The following DNHD1 variants were observed in gnomAD, a reference collection of about 807,000 sequenced individuals.
The protein encoded by DNHD1 is dynein heavy chain domain 1, also known as dynein heavy chain domain-containing protein 1.
In DNHD1, 383 loss-of-function variants were observed where a neutral mutation model predicts 458.1. The ratio of observed to expected loss-of-function variants is 0.84; its 90% CI spans 0.77 to 0.91. The LOEUF is 0.91. DNHD1 is among the 40% of genes least tolerant of loss of function. The pLI, the probability that DNHD1 is intolerant of heterozygous loss-of-function variation, is 0.00. For synonymous variants in DNHD1, 2,203 were observed against 2,376.9 expected (o/e 0.93, Z 2.13); for missense variants, 5,336 against 5,866.1 (o/e 0.91, Z 2.95).
intron 28 of DNHD1, among the ~76,000 whole-genome samples, chr11:6,559,708 T>C (rs1218696363): frequency 6.6e-6 from 1 of 152,218 alleles, no homozygotes; most frequent in Non-Finnish European, 1.5e-5. Context: ...AAAACTGTTG[T>C]ATACAGTGAG....
rs1369497130 is a variant in DNHD1, at chr11:6,556,750, C to T, written c.7455C>T (p.Ala2485=). ...LRQAMDGTVY[A]HSTLELQTLQ... ...AGGCCATGGATGGCACTGTGTATGC[C>T]CACAGCACCTTGGAACTGCAGACGC... The change falls in exon 25 of 43, where the codon GCC becomes GCT. Residue 2485 remains alanine (A), a synonymous_variant. Coordinates refer to ENST00000254579, the MANE Select transcript of DNHD1 (RefSeq NM_144666.3). The T allele has an allele frequency of 5.8e-6, 9 of 1,551,562 alleles. No homozygotes were observed. In the Admixed American group the frequency reaches 9.8e-5, roughly 17 times the overall value.
intron 7 of DNHD1, 55 bp downstream of exon 7, chr11:6,511,484 T>A: frequency 6.3e-7 from 1 of 1,590,996 alleles, no homozygotes; most frequent in African/African-American, 1.3e-5. Context: ...CTCCCCAGAG[T>A]TTCAGCCTCC....
Position 6,545,235 on chromosome 11 carries a change from G to A in DNHD1, c.4296G>A (p.Val1432=). ...LAVLGAGGEE[V]KLQGPLPLHP... Reference sequence around the variant, plus strand: ...TGCTAGGGGCAGGTGGGGAGGAGGTGAAGCTGCAGGGTCCCCTTCCTCTGC... The same window carrying A: ...TGCTAGGGGCAGGTGGGGAGGAGGTAAAGCTGCAGGGTCCCCTTCCTCTGC... The change falls in exon 21 of 43, where the codon GTG becomes GTA. Residue 1432 remains valine, a synonymous_variant. Transcript: ENST00000254579. This position sits in a 1 kb window ranked among gnomAD's most constrained non-coding sequence, Gnocchi z 4.9. 1 of 1,551,810 alleles carries A rather than the reference G, an allele frequency of 6.4e-7. No individual in the cohort carries two copies. Among genetic ancestry groups the A allele is most frequent in the Non-Finnish European group, 8.7e-7 (1 of 1,147,016 alleles).
At chr11:6,507,370 C>A (rs1053462511) in intron 4 of DNHD1, among the ~76,000 whole-genome samples, 1 of 152,098 alleles carries the variant, frequency 6.6e-6, no homozygotes, top group African/African-American at 2.4e-5. Context: ...ACATTAAATG[C>A]AATACATATG....
Position 6,570,328 on chromosome 11 carries a change from C to G in DNHD1, c.13037C>G (p.Pro4346Arg). 1 of 1,613,000 alleles carries G rather than the reference C, an allele frequency of 6.2e-7. No homozygotes were observed. Among genetic ancestry groups the G allele is most frequent in the African/African-American group, 1.3e-5 (1 of 75,010 alleles). The change falls in exon 41 of 43, where the codon CCC (proline) becomes CGC (arginine). Residue 4346 changes from proline to arginine, a missense_variant. Physicochemically the swap from Pro to Arg is moderately radical, Grantham distance 103. This residue lies in a region of DNHD1 where 698 missense variants were observed against 664.9 expected (regional missense o/e 1.05). Transcript: ENST00000254579. ...LISLTQACLS[P>R]SSGSWVQPHT... ...AGCCTCACACAAGCCTGCCTGAGCC[C>G]CAGTAGTGGGAGCTGGGTCCAGCCA...
Position 6,509,231 on chromosome 11 carries a change from G to T in DNHD1, c.1194G>T (p.Leu398Phe). The change falls in exon 6 of 43, where the codon TTG becomes TTT. Residue 398 changes from leucine (L) to phenylalanine (F), a missense_variant. Transcript: ENST00000254579. Reference sequence around the variant, plus strand: ...AATTCCTAGAGAATCATCTGCTCTTGGCTGTGCCCCACTTTGGAGCTGGGC... The same window carrying T: ...AATTCCTAGAGAATCATCTGCTCTTTGCTGTGCCCCACTTTGGAGCTGGGC... Reference protein sequence around the residue: ...LQKFLENHLLLAVPHFGAGLL... With the variant: ...LQKFLENHLLFAVPHFGAGLL... The T allele has an allele frequency of 1.2e-6, 2 of 1,614,188 alleles. No individual in the cohort carries two copies. The highest frequency in any genetic ancestry group is 1.7e-6 in the Non-Finnish European group (2 of 1,180,034).
chr11:6,563,930 C>T lies in DNHD1; in HGVS notation c.10090C>T (p.Leu3364=). The T allele has an allele frequency of 1.9e-6, 3 of 1,551,708 alleles. No individual in the cohort carries two copies. The highest frequency in any genetic ancestry group is 2.6e-6 in the Non-Finnish European group (3 of 1,147,008). The change falls in exon 31 of 43, where the codon CTG becomes TTG. Residue 3364 remains leucine, a synonymous_variant. Transcript: ENST00000254579. The part of the protein sequence containing the change: ...EATLTREQAR[L]GYYQFQAQET... ...AACACTCACTCGGGAGCAGGCCCGCCTGGGCTACTACCAGTTTCAGGCCCA... is the reference window on the plus strand; with the variant it reads ...AACACTCACTCGGGAGCAGGCCCGCTTGGGCTACTACCAGTTTCAGGCCCA...
intron 34 of DNHD1, 46 bp downstream of exon 34, chr11:6,566,439 T>G (rs772838119): frequency 6.4e-7 from 1 of 1,552,136 alleles, no homozygotes; most frequent in Non-Finnish European, 8.7e-7. Flanking sequence ...GTGGACACAC[T>G]AGGCCCTCAG....
intron 24 of DNHD1, among the ~76,000 whole-genome samples, chr11:6,555,210 GTCTC>G (rs368758962): frequency 2.6e-5 from 3 of 117,234 alleles, no homozygotes; most frequent in African/African-American, 6.6e-5. Flanking sequence ...CTCTCTCTCT[GTCTC>G]TCTCTCTGTC....
rs1334415274 is a variant in DNHD1, at chr11:6,568,057, G to A, written c.12353G>A (p.Gly4118Glu). 2 of 1,565,834 alleles carry A rather than the reference G, an allele frequency of 1.3e-6. No homozygotes were observed. Among genetic ancestry groups the A allele is most frequent in the Non-Finnish European group, 1.7e-6 (2 of 1,153,662 alleles). The change falls in exon 37 of 43, where the codon GGG becomes GAG. Residue 4118 changes from glycine to glutamate, a missense_variant and splice_region_variant. Transcript: ENST00000254579. ...TGCCATCTCTTTTTTGGTCCCCAGG[G>A]GCAGAAGCAACTGCAGGTGATAGCC... ...IQKLAAKYQQ[G>E]QKQLQVIALG...
intron 12 of DNHD1, among the ~76,000 whole-genome samples, chr11:6,531,769 T>G (rs1852833280): frequency 1.3e-5 from 2 of 152,182 alleles, no homozygotes; most frequent in Admixed American, 1.3e-4. Flanking sequence ...CTCAATTATC[T>G]GTCCCCCAAA....
At position 6,498,440 on chromosome 11, in the gene DNHD1, C is replaced by G. The variant is rs771113503; in HGVS notation, c.225C>G (p.Asp75Glu). Reference protein sequence around the residue: ...LRTLFSAVLQDSSPAAWRYLH... With the variant: ...LRTLFSAVLQESSPAAWRYLH... ...CTCTGTTCTCAGCTGTGTTGCAGGACAGTAGCCCTGCAGCTTGGCGCTATC... is the reference window on the plus strand; with the variant it reads ...CTCTGTTCTCAGCTGTGTTGCAGGAGAGTAGCCCTGCAGCTTGGCGCTATC... Residue 75 changes from aspartate to glutamate, a missense_variant, in exon 3 of 43, where the codon GAC becomes GAG. Physicochemically the swap from Asp to Glu is conservative, Grantham distance 45. Around this residue, in one of 4 missense-constraint regions of DNHD1, gnomAD observed 3,932 missense variants for 4,365.6 expected, o/e 0.90. Transcript: ENST00000254579. The G allele has an allele frequency of 7.4e-6, 12 of 1,614,228 alleles. No homozygotes were observed. In the South Asian group the frequency reaches 1.2e-4, roughly 16 times the overall value.
At position 6,564,723 on chromosome 11, in the gene DNHD1, A is replaced by G. The variant is rs1030372669; in HGVS notation, c.10675A>G (p.Ser3559Gly). 6.5e-7 allele frequency: 1 copy of G among 1,549,918 alleles called. No homozygotes were observed. The highest frequency in any genetic ancestry group is 1.4e-5 in the African/African-American group (1 of 73,012). Residue 3559 changes from serine (S) to glycine (G), a missense_variant, in exon 32 of 43, where the codon AGC (serine) becomes GGC (glycine). Physicochemically the swap from Ser to Gly is moderately conservative, Grantham distance 56 (BLOSUM62 0). Coordinates refer to ENST00000254579, the MANE Select transcript of DNHD1 (RefSeq NM_144666.3). ...SCRWPLLLDP[S>G]NEALIWLDPL... ...CCGTTGGCCTCTGCTGCTTGACCCC[A>G]GCAACGAGGCCCTCATCTGGTTGGA...
chr11:6,500,137 G>A (rs1852105816), intron 3 of DNHD1, among the ~76,000 whole-genome samples: 1 of 151,894 alleles, frequency 6.6e-6, no homozygotes, highest in Non-Finnish European at 1.5e-5. Context: ...GCTGATTTTT[G>A]TATTTTCAGT....
chr11:6,551,663 C>T (rs1192110142), intron 24 of DNHD1, among the ~76,000 whole-genome samples: 2 of 152,086 alleles, frequency 1.3e-5, no homozygotes, highest in Non-Finnish European at 1.5e-5. Flanking sequence ...GGAGCCAGGG[C>T]CGGGCACTGT....
rs4633449 is a variant in DNHD1, at chr11:6,528,549, A to C, written c.1865A>C (p.Asp622Ala). ...EEEDEEEDSKDEFLMPKFQGQ... is the reference protein window; with the variant it reads ...EEEDEEEDSKAEFLMPKFQGQ... ...GAAGATGAAGAGGAGGACTCAAAAG[A>C]CGAATTTCTGATGCCCAAGTTCCAG... The change falls in exon 11 of 43, where the codon GAC (aspartate) becomes GCC (alanine). Residue 622 changes from aspartate (D) to alanine (A), a missense_variant. By Grantham distance (126) the Asp-to-Ala change is moderately radical (BLOSUM62 -2). This residue lies in a region of DNHD1 where 3,932 missense variants were observed against 4,365.6 expected (regional missense o/e 0.90). Coordinates refer to ENST00000254579, the MANE Select transcript of DNHD1 (RefSeq NM_144666.3). 0.68 allele frequency: 1,055,526 copies of C among 1,550,146 alleles called. 361,302 individuals carry two copies. The highest frequency in any genetic ancestry group is 0.87 in the East Asian group (35,697 of 40,856).
chr11:6,570,540 TCA>T (rs1329278615), intron 41 of DNHD1, 76 bp from the exon 42 acceptor site: 51 of 1,488,482 alleles, frequency 3.4e-5, no homozygotes, highest in Non-Finnish European at 4.4e-5. Flanking sequence ...CAGTAAAGGC[TCA>T]GAGGAAGGCC....
chr11:6,546,326 C>T lies in DNHD1; in HGVS notation c.5387C>T (p.Ser1796Phe). ...AGCTTCTTTGAAAAACATCACGTGT[C>T]TGTGCGCCTTGGCTATGGCTGTCTC... ...GSSFFEKHHV[S>F]VRLGYGCLLV... is the part of the protein sequence containing the mutation. Residue 1796 changes from serine (S) to phenylalanine (F), a missense_variant, in exon 21 of 43, where the codon TCT becomes TTT. This residue lies in a region of DNHD1 where 3,932 missense variants were observed against 4,365.6 expected (regional missense o/e 0.90). Coordinates refer to ENST00000254579, the MANE Select transcript of DNHD1 (RefSeq NM_144666.3). The T allele has an allele frequency of 6.4e-7, 1 of 1,552,390 alleles. No individual in the cohort carries two copies. The highest frequency in any genetic ancestry group is 2.4e-5 in the East Asian group (1 of 40,922).
In DNHD1 at chr11:6,570,013, C is replaced by G. The variant is rs1312240928; in HGVS notation, c.12868C>G (p.Gln4290Glu). The G allele has an allele frequency of 3.1e-6, 5 of 1,613,632 alleles. No homozygotes were observed. Among genetic ancestry groups the G allele is most frequent in the Non-Finnish European group, 4.2e-6 (5 of 1,179,766 alleles). The change falls in exon 40 of 43, where the codon CAA (glutamine) becomes GAA (glutamate). Residue 4290 changes from glutamine to glutamate, a missense_variant. Around this residue, in one of 4 missense-constraint regions of DNHD1, gnomAD observed 698 missense variants for 664.9 expected, o/e 1.05. Coordinates refer to ENST00000254579, the MANE Select transcript of DNHD1 (RefSeq NM_144666.3). ...RLQAHRGRWS[Q>E]VTLTQVLQTQ... ...CTTTCCGCTCCCCTTCTCTAGGAGT[C>G]AAGTGACTCTAACCCAGGTTCTTCA...
Sources: allele counts gnomAD v4.1 joint callset (sites outside exome capture counted in the v4.1 genomes callset), GRCh38; gene constraint gnomAD v4.1.1; regional missense constraint gnomAD v4.1.1; non-coding constraint Gnocchi (gnomAD v3.1); transcripts MANE v1.5; gene names NCBI Gene and HGNC (gene_info 2026-07-23, HGNC 2026-07-21).